The following PAPSS1 variants were observed in gnomAD, a reference collection of about 807,000 sequenced individuals.
The protein encoded by PAPSS1 is 3'-phosphoadenosine 5'-phosphosulfate synthase 1, also known as bifunctional 3'-phosphoadenosine 5'-phosphosulfate synthase 1.
PAPSS1 carries 50 observed loss-of-function variants against 72.0 expected under a neutral mutation model. The ratio of observed to expected loss-of-function variants is 0.69; its 90% confidence interval spans 0.55 to 0.88. PAPSS1 has a LOEUF of 0.88. Ranked by LOEUF, PAPSS1 falls within the 40% of genes least tolerant of loss-of-function variation. The pLI is 0.00. For synonymous variants in PAPSS1, 261 were observed against 263.6 expected (o/e 0.99, Z 0.09); for missense variants, 657 against 782.2 (o/e 0.84, Z 1.91).
intron 11 of PAPSS1, among the ~76,000 whole-genome samples, chr4:107,618,544 A>G (rs1328819369): frequency 6.6e-6 from 1 of 151,972 alleles, no homozygotes; most frequent in African/African-American, 2.4e-5. Flanking sequence ...AGGGGCTTTG[A>G]CAAGGAGGAG....
intron 3 of PAPSS1, among the ~76,000 whole-genome samples, chr4:107,692,357 A>G (rs1722948094): frequency 6.6e-6 from 1 of 152,226 alleles, no homozygotes; most frequent in South Asian, 2.1e-4. Flanking sequence ...TTAAGAAGAC[A>G]TACATGCAGC....
chr4:107,674,658 G>T (rs1479810569), intron 5 of PAPSS1, among the ~76,000 whole-genome samples: 7 of 152,016 alleles, frequency 4.6e-5, no homozygotes, highest in Admixed American at 3.9e-4. Context: ...TCCAGGAATT[G>T]AACTCAGCTC....
chr4:107,637,256 A>C (rs1009004096), intron 10 of PAPSS1, among the ~76,000 whole-genome samples: 1 of 152,178 alleles, frequency 6.6e-6, no homozygotes. Flanking sequence ...GCCCCTTTTT[A>C]TAAACCTGAA....
chr4:107,660,723 A>C (rs1727156980), intron 5 of PAPSS1, among the ~76,000 whole-genome samples: 1 of 152,188 alleles, frequency 6.6e-6, no homozygotes, highest in Non-Finnish European at 1.5e-5. Context: ...GGAGCTCTTT[A>C]CAAGGCTTGT....
rs1353436531 is a variant in PAPSS1 at position 107,682,017 on chromosome 4, G to A, written c.667C>T (p.Arg223Trp). 6.7e-6 allele frequency: 10 copies of A among 1,500,750 alleles called. No individual in the cohort carries two copies. The highest frequency in any genetic ancestry group is 1.4e-5 in the African/African-American group (1 of 72,006). The allele number at this position is 1,500,750 out of a possible 1,614,324, so 93.0% of individuals were successfully genotyped here. A position where few individuals can be genotyped will look rare whatever the true frequency, so the allele number is the denominator to read the frequency against. ...VQQVVELLQE[R>W]DIVPVDASYE... ...TTCCTTCTTTCATCCTCTCTTACCC[G>A]TTCCTGTAGAAGTTCCACAACTTGC... is the stretch of plus-strand genomic sequence containing the variant. Residue 223 changes from arginine (R) to tryptophan (W), a missense_variant and splice_region_variant, in exon 5 of 12, where the codon CGG (arginine) becomes TGG (tryptophan). By Grantham distance (101) the Arg-to-Trp change is moderately radical. Coordinates refer to ENST00000265174, the MANE Select transcript of PAPSS1 (RefSeq NM_005443.5).
At chr4:107,631,588 C>A in intron 11 of PAPSS1, 43 bp downstream of exon 11, 2 of 1,396,328 alleles carry the variant, frequency 1.4e-6, no homozygotes, top group Non-Finnish European at 2.0e-6. Flanking sequence ...GCAGCTAGAC[C>A]ACGAAGTACT....
At chr4:107,710,317 T>A (rs28462056) in intron 1 of PAPSS1, among the ~76,000 whole-genome samples, 1,698 of 152,194 alleles carry the variant, frequency 0.011, 32 homozygotes, top group African/African-American at 0.038. Context: ...TGTAGAAAAA[T>A]ATATATATAT....
chr4:107,670,407 A>C (rs968188701), intron 5 of PAPSS1, among the ~76,000 whole-genome samples: 1 of 152,222 alleles, frequency 6.6e-6, no homozygotes, highest in Admixed American at 6.5e-5. Flanking sequence ...GCACCAAAGA[A>C]AGAAAGAAAA....
In PAPSS1 at chr4:107,662,891, G is replaced by A. The variant is rs569436261; in HGVS notation, c.670-2819C>T. On this transcript the variant is annotated intron_variant, in intron 5 of 11. Coordinates refer to ENST00000265174, the MANE Select transcript of PAPSS1 (RefSeq NM_005443.5). ...TCATCAAGTAGAAAATAAAAGTTCA[G>A]AGTCAATTTTTCCTGGAAGGACAAT... Among the ~76,000 whole-genome samples, 3 of 152,230 alleles carry A rather than the reference G, an allele frequency of 2.0e-5. 1 individual carries two copies. The South Asian group carries it at 6.2e-4, about 32-fold the overall frequency.
At chr4:107,672,311 T>C (rs1440181097) in intron 5 of PAPSS1, among the ~76,000 whole-genome samples, 1 of 152,194 alleles carries the variant, frequency 6.6e-6, no homozygotes, top group African/African-American at 2.4e-5. Flanking sequence ...GAATTCCCTT[T>C]TCTAGTCAAA....
At position 107,720,218 on chromosome 4, in the gene PAPSS1, C is replaced by T. The variant is rs1455289635; in HGVS notation, c.-39G>A. 1 of 1,584,160 alleles carries T rather than the reference C, an allele frequency of 6.3e-7. No homozygotes were observed. The highest frequency in any genetic ancestry group is 8.6e-7 in the Non-Finnish European group (1 of 1,167,092). On this transcript the variant is annotated 5_prime_UTR_variant, in exon 1 of 12. Coordinates refer to ENST00000265174, the MANE Select transcript of PAPSS1 (RefSeq NM_005443.5). ...GCTGAGCAGCCGGGGTTCTCTGCGC[C>T]GGGAGGGTAGCAAGAGGAGGGCAGG...
At chr4:107,667,531 C>G in intron 5 of PAPSS1, among the ~76,000 whole-genome samples, 1 of 151,446 alleles carries the variant, frequency 6.6e-6, no homozygotes, top group Middle Eastern at 3.2e-3. Flanking sequence ...CCTGTGAGGT[C>G]TGAACTAACT....
At chr4:107,697,065 G>T (rs537160165) in intron 2 of PAPSS1, among the ~76,000 whole-genome samples, 1 of 152,112 alleles carries the variant, frequency 6.6e-6, no homozygotes, top group African/African-American at 2.4e-5. Context: ...ACTTAATTTG[G>T]GAGAAGCCAG....
chr4:107,624,865 AAGACAGTTTCCCAAT>A (rs1244811708), intron 11 of PAPSS1, among the ~76,000 whole-genome samples: 1 of 152,206 alleles, frequency 6.6e-6, no homozygotes, highest in Non-Finnish European at 1.5e-5. Flanking sequence ...ATTAACAGAA[AAGACAGTTTCCCAAT>A]ACTCTAACAG....
chr4:107,631,560 T>C (rs1726224411), intron 11 of PAPSS1, 71 bp downstream of exon 11: 4 of 1,059,524 alleles, frequency 3.8e-6, no homozygotes, highest in Middle Eastern at 2.1e-4. Flanking sequence ...GATTAGACAA[T>C]AAGCTAAATC....
intron 1 of PAPSS1, chr4:107,719,792 G>A: frequency 3.4e-6 from 4 of 1,187,460 alleles, no homozygotes; most frequent in Non-Finnish European, 4.2e-6. Context: ...AGCACCCGGA[G>A]GTTTCAGCAA....
intron 5 of PAPSS1, among the ~76,000 whole-genome samples, chr4:107,672,938 C>G (rs544957347): frequency 5.3e-5 from 8 of 152,326 alleles, no homozygotes; most frequent in Admixed American, 2.6e-4. Context: ...GCTGCTGATA[C>G]CCAGGCAAAC....
At chr4:107,678,647 A>G (rs185559143) in intron 5 of PAPSS1, among the ~76,000 whole-genome samples, 2 of 152,106 alleles carry the variant, frequency 1.3e-5, no homozygotes, top group Admixed American at 1.3e-4. Flanking sequence ...GACTAGTGTG[A>G]CAGGCTTAGT....
At chr4:107,683,256 T>G (rs1722682658) in intron 4 of PAPSS1, among the ~76,000 whole-genome samples, 2 of 152,204 alleles carry the variant, frequency 1.3e-5, no homozygotes, top group South Asian at 4.1e-4. Flanking sequence ...TTATTTCATT[T>G]TTTTTCTATT....
Sources: gnomAD v4.1 joint callset for allele counts (sites outside exome capture counted in the v4.1 genomes callset) on GRCh38, gnomAD v4.1.1 for gene constraint, MANE v1.5 for transcripts, NCBI Gene and HGNC (gene_info 2026-07-23, HGNC 2026-07-21) for gene names.